PRKD1: variants seen among roughly 807,000 people sequenced by gnomAD.
PRKD1 encodes the protein protein kinase D1, also known as serine/threonine-protein kinase D1.
A neutral mutation model predicts 95.9 loss-of-function variants in PRKD1; 63 were observed. The ratio of observed to expected loss-of-function variants is 0.66; its 90% confidence interval spans 0.54 to 0.81. The LOEUF (loss-of-function observed/expected upper bound fraction) is 0.81, where lower values mean the gene tolerates loss of function less well. PRKD1 is among the 30% of genes least tolerant of loss of function. The pLI, the probability that PRKD1 is intolerant of heterozygous loss-of-function variation, is 0.00. For synonymous variants in PRKD1, 425 were observed against 423.1 expected, an observed-to-expected ratio of 1.00 and a Z score of -0.05; for missense variants, 1,048 against 1,165.3, an observed-to-expected ratio of 0.90 and a Z score of 1.47.
intron 1 of PRKD1, among the ~76,000 whole-genome samples, chr14:29,899,484 T>C (rs1320755419): frequency 6.6e-6 from 1 of 151,962 alleles, no homozygotes; most frequent in African/African-American, 2.4e-5. Flanking sequence ...CCATCTCTAC[T>C]AAAAATACAA....
intron 13 of PRKD1, among the ~76,000 whole-genome samples, chr14:29,602,960 A>G (rs1042899489): frequency 6.6e-6 from 1 of 152,216 alleles, no homozygotes; most frequent in African/African-American, 2.4e-5. Flanking sequence ...GAAGAGCTCT[A>G]CAAATGTTCT....
At chr14:29,837,672 C>T (rs1320670253) in intron 1 of PRKD1, among the ~76,000 whole-genome samples, 5 of 152,064 alleles carry the variant, frequency 3.3e-5, no homozygotes, top group African/African-American at 1.2e-4. Flanking sequence ...TAAAATCAAA[C>T]ACAAAGTACT....
At chr14:29,680,956 G>A (rs1222879301) in intron 2 of PRKD1, among the ~76,000 whole-genome samples, 1 of 152,178 alleles carries the variant, frequency 6.6e-6, no homozygotes, top group African/African-American at 2.4e-5. Context: ...CCTTTGGAAA[G>A]GGATGAATTG....
intron 2 of PRKD1, among the ~76,000 whole-genome samples, chr14:29,693,920 C>T (rs947000104): frequency 6.6e-6 from 1 of 152,162 alleles, no homozygotes; most frequent in Non-Finnish European, 1.5e-5. Flanking sequence ...GAGCCAAAAT[C>T]CGCCTCCTAC....
chr14:29,842,876 CAGGG>C (rs1891914073), intron 1 of PRKD1, among the ~76,000 whole-genome samples: 1 of 152,006 alleles, frequency 6.6e-6, no homozygotes, highest in Non-Finnish European at 1.5e-5. Flanking sequence ...GCGGGTATAG[CAGGG>C]AAGAGAGAAT....
At chr14:29,604,088 T>C (rs1252160362) in intron 13 of PRKD1, among the ~76,000 whole-genome samples, 1 of 152,190 alleles carries the variant, frequency 6.6e-6, no homozygotes, top group African/African-American at 2.4e-5. Flanking sequence ...AAAGCTTTTA[T>C]AAAAGTAATA....
intron 1 of PRKD1, among the ~76,000 whole-genome samples, chr14:29,854,657 C>T (rs541787659): frequency 3.3e-5 from 5 of 152,296 alleles, no homozygotes; most frequent in African/African-American, 9.6e-5. Context: ...TAATAAGTAG[C>T]CAAATGTTAA....
chr14:29,909,864 T>C lies in PRKD1; in HGVS notation c.264+17385A>G, dbSNP rs57431108. On this transcript the variant is annotated intron_variant, in intron 1 of 17. Coordinates refer to ENST00000331968, the MANE Select transcript of PRKD1 (RefSeq NM_002742.3). ...TTTGTAAACACACCAATCAGTGCTC[T>C]GTGTCTAGCTAATCTAGTGGGGACT... Among the ~76,000 whole-genome samples the C allele has an allele frequency of 3.6e-3, 544 of 152,330 alleles. 1 individual carries two copies. The highest frequency in any genetic ancestry group is 0.012 in the African/African-American group (504 of 41,592).
intron 4 of PRKD1, chr14:29,657,740 G>C (rs1594402391): frequency 6.6e-6 from 1 of 152,528 alleles, no homozygotes; most frequent in Non-Finnish European, 1.5e-5. Context: ...GGTGGCGGGC[G>C]CCAGTAGTCC....
Position 29,576,764 on chromosome 14 carries a change from A to C in PRKD1, c.*474T>G. ...TTTGTGTCTTAGGATTTTATTCCCT[A>C]CCCTCCTCATTCATTTTTTTCCCAC... On this transcript the variant is annotated 3_prime_UTR_variant, in exon 18 of 18. Transcript: ENST00000331968. 1 of 178,544 alleles carries C rather than the reference A, an allele frequency of 5.6e-6. No individual in the cohort carries two copies. The highest frequency in any genetic ancestry group is 1.2e-5 in the Non-Finnish European group (1 of 81,854). The allele number at this position is 178,544 out of a possible 1,614,324, so 11.1% of individuals were successfully genotyped here. A position where few individuals can be genotyped will look rare whatever the true frequency, so the allele number is the denominator to read the frequency against.
At chr14:29,737,768 A>T (rs1040781587) in intron 1 of PRKD1, among the ~76,000 whole-genome samples, 2 of 152,196 alleles carry the variant, frequency 1.3e-5, no homozygotes, top group Admixed American at 6.5e-5. Flanking sequence ...TTGTTCTGAA[A>T]GCGGTAGATC....
chr14:29,815,893 G>A (rs1890666135), intron 1 of PRKD1, among the ~76,000 whole-genome samples: 3 of 152,034 alleles, frequency 2.0e-5, no homozygotes, highest in Admixed American at 1.3e-4. Flanking sequence ...CTTCAATATA[G>A]GTATAAGCAA....
intron 2 of PRKD1, among the ~76,000 whole-genome samples, chr14:29,688,298 C>A (rs190743022): frequency 2.0e-5 from 3 of 152,260 alleles, no homozygotes; most frequent in Non-Finnish European, 4.4e-5. Flanking sequence ...CTGACAGCAA[C>A]TTAATCACAT....
intron 7 of PRKD1, among the ~76,000 whole-genome samples, chr14:29,635,055 G>A (rs45449898): frequency 0.023 from 3,425 of 151,940 alleles, 112 homozygotes; most frequent in African/African-American, 0.073. Flanking sequence ...AATTCCCAAG[G>A]CTGGGTAATA....
At chr14:29,626,361 A>T in intron 12 of PRKD1, 123 bp downstream of exon 12, 1 of 794,382 alleles carries the variant, frequency 1.3e-6, no homozygotes, top group South Asian at 1.8e-5. Flanking sequence ...ACACAAAAAG[A>T]TACACACACA....
chr14:29,663,561 C>T, intron 4 of PRKD1, 138 bp downstream of exon 4: 1 of 951,192 alleles, frequency 1.1e-6, no homozygotes, highest in Middle Eastern at 3.1e-4. Context: ...ATCTACAGCA[C>T]AAGCCCTGAA....
chr14:29,743,793 T>C (rs1434560875), intron 1 of PRKD1, among the ~76,000 whole-genome samples: 1 of 152,174 alleles, frequency 6.6e-6, no homozygotes, highest in African/African-American at 2.4e-5. Flanking sequence ...CCAGCTTCTA[T>C]GGGTAATTCT....
At chr14:29,577,987 T>C (rs1179816607) in intron 17 of PRKD1, among the ~76,000 whole-genome samples, 2 of 152,140 alleles carry the variant, frequency 1.3e-5, no homozygotes, top group Admixed American at 6.6e-5. Flanking sequence ...AGGTCTGTTA[T>C]GATCCTTGGT....
chr14:29,666,290 C>G (rs1164855684), intron 2 of PRKD1, 82 bp from the exon 3 acceptor site: 1 of 1,406,148 alleles, frequency 7.1e-7, no homozygotes, highest in Non-Finnish European at 9.6e-7. Context: ...AATAAATATG[C>G]CAGTACGGAT....
Sources: allele counts gnomAD v4.1 joint callset (sites outside exome capture counted in the v4.1 genomes callset), GRCh38; gene constraint gnomAD v4.1.1; transcripts MANE v1.5; gene names NCBI Gene and HGNC (gene_info 2026-07-23, HGNC 2026-07-21).